The following MACROH2A2 variants were observed in gnomAD, a reference collection of about 807,000 sequenced individuals.
MACROH2A2 encodes core histone macro-H2A.2.
MACROH2A2 carries 6 observed loss-of-function variants against 37.6 expected under a neutral mutation model. The ratio of observed to expected loss-of-function variants is 0.16; its 90% CI spans 0.09 to 0.32. The LOEUF is 0.32. Among genes scored for constraint, MACROH2A2 ranks in the 10% least tolerant of loss-of-function variants. The probability of loss-of-function intolerance (pLI) is 1.00; values close to 1 mark genes in which losing one functional copy is unlikely to be tolerated. For missense variants in MACROH2A2, 290 were observed against 485.9 expected, an observed-to-expected ratio of 0.60 and a Z score of 3.79; for synonymous variants, 192 against 202.7, an observed-to-expected ratio of 0.95 and a Z score of 0.45.
intron 7 of MACROH2A2, among the ~76,000 whole-genome samples, chr10:70,104,349 A>G (rs1371647209): frequency 6.6e-6 from 1 of 151,388 alleles, no homozygotes; most frequent in Non-Finnish European, 1.5e-5. Context: ...CTTGGCATCC[A>G]GTGGACAGAG....
At chr10:70,100,744 G>C (rs1345006883) in intron 7 of MACROH2A2, among the ~76,000 whole-genome samples, 1 of 151,732 alleles carries the variant, frequency 6.6e-6, no homozygotes, top group Non-Finnish European at 1.5e-5. Flanking sequence ...AGCCTCCCGA[G>C]TTGCTGGAAT....
chr10:70,091,747 C>T lies in MACROH2A2; in HGVS notation c.280-10C>T. The T allele has an allele frequency of 1.2e-6, 2 of 1,602,322 alleles. No individual in the cohort carries two copies. The highest frequency in any genetic ancestry group is 1.7e-6 in the Non-Finnish European group (2 of 1,170,216). The stretch of plus-strand genomic sequence containing the variant: ...GTTTGCTACATGAGCGCATGCATTT[C>T]TCTCTTCAGCTGCTAAAAGGAGTGA... On this transcript the variant is annotated splice_polypyrimidine_tract_variant and intron_variant, in intron 3 of 8. Coordinates refer to ENST00000373255, the MANE Select transcript of MACROH2A2 (RefSeq NM_018649.3).
At position 70,053,946 on chromosome 10, in the gene MACROH2A2, C is replaced by T. The variant is rs1163486740; in HGVS notation, c.-60+946C>T. Among the ~76,000 whole-genome samples the T allele has an allele frequency of 1.3e-5, 2 of 152,230 alleles. No individual in the cohort carries two copies. Among genetic ancestry groups the T allele is most frequent in the African/African-American group, 2.4e-5 (1 of 41,472 alleles). On this transcript the variant is annotated intron_variant, in intron 1 of 8. Transcript: ENST00000373255. This position sits in a 1 kb window ranked among gnomAD's most constrained non-coding sequence, Gnocchi z 4.8. ...GCTCGCGGGGCGCGGCGGTTGGGGACCAGCCCTGCCTCCCCCGGCTCCCAG... is the reference window on the plus strand; with the variant it reads ...GCTCGCGGGGCGCGGCGGTTGGGGATCAGCCCTGCCTCCCCCGGCTCCCAG...
intron 1 of MACROH2A2, among the ~76,000 whole-genome samples, chr10:70,071,018 C>T (rs888295070): frequency 1.3e-5 from 2 of 148,514 alleles, no homozygotes; most frequent in Non-Finnish European, 3.0e-5. Context: ...TGTGTGTGAG[C>T]GCGTGCATGT....
intron 6 of MACROH2A2, 81 bp downstream of exon 6, chr10:70,095,834 A>G: frequency 1.4e-6 from 1 of 726,456 alleles, no homozygotes; most frequent in Non-Finnish European, 2.5e-6. Context: ...ATCATTGTCA[A>G]CTGGCTGTCC....
chr10:70,059,028 T>A (rs1413714480), intron 1 of MACROH2A2, among the ~76,000 whole-genome samples: 1 of 152,128 alleles, frequency 6.6e-6, no homozygotes, highest in Non-Finnish European at 1.5e-5. Context: ...TCAAGCAGAT[T>A]TTTTCAGGTC....
At chr10:70,099,099 G>A (rs2072292228) in intron 6 of MACROH2A2, 1 of 152,184 alleles carries the variant, frequency 6.6e-6, no homozygotes, top group African/African-American at 2.4e-5. Context: ...TAGATCAACA[G>A]TGTCCAGGAA....
At chr10:70,093,319 C>T (rs1376224179) in intron 4 of MACROH2A2, among the ~76,000 whole-genome samples, 2 of 152,164 alleles carry the variant, frequency 1.3e-5, no homozygotes, top group Admixed American at 6.5e-5. Flanking sequence ...ATTGGACAAC[C>T]CTACTGTAGA....
At chr10:70,102,716 CA>C (rs59862078) in intron 7 of MACROH2A2, among the ~76,000 whole-genome samples, 16 of 141,498 alleles carry the variant, frequency 1.1e-4, no homozygotes, top group Admixed American at 1.4e-4. Flanking sequence ...GATTCTGTCT[CA>C]AAAAAAAAAG....
At chr10:70,066,228 C>G (rs2072078726) in intron 1 of MACROH2A2, among the ~76,000 whole-genome samples, 1 of 152,046 alleles carries the variant, frequency 6.6e-6, no homozygotes, top group Non-Finnish European at 1.5e-5. Flanking sequence ...ATTCAGGAGG[C>G]TGAGGTAGAG....
At chr10:70,100,721 A>C (rs2072302046) in intron 7 of MACROH2A2, among the ~76,000 whole-genome samples, 1 of 150,786 alleles carries the variant, frequency 6.6e-6, no homozygotes, top group East Asian at 1.9e-4. Context: ...AGTTCAAACG[A>C]TTCTTGTGCC....
intron 3 of MACROH2A2, among the ~76,000 whole-genome samples, chr10:70,091,371 CAGTT>C (rs2072243592): frequency 6.6e-6 from 1 of 152,222 alleles, no homozygotes; most frequent in African/African-American, 2.4e-5. Context: ...CCACATTTAA[CAGTT>C]AGAACCGTAT....
At chr10:70,093,444 A>AG (rs2072257923) in intron 4 of MACROH2A2, among the ~76,000 whole-genome samples, 2 of 152,182 alleles carry the variant, frequency 1.3e-5, no homozygotes, top group South Asian at 4.1e-4. Flanking sequence ...TGTCGTCGTG[A>AG]GCTGCAGGCA....
intron 1 of MACROH2A2, among the ~76,000 whole-genome samples, chr10:70,069,828 T>C (rs1411726387): frequency 2.6e-5 from 4 of 151,980 alleles, no homozygotes; most frequent in Non-Finnish European, 1.5e-5. Context: ...TTCAAGTTTT[T>C]GACTCCTGAC....
At chr10:70,089,988 C>A in intron 2 of MACROH2A2, 72 bp from the exon 3 acceptor site, 2 of 927,178 alleles carry the variant, frequency 2.2e-6, no homozygotes, top group East Asian at 2.4e-5. Context: ...AACTTGAAGG[C>A]CATTTCTAAA....
At chr10:70,108,523 CCTT>C (rs1271072062) in intron 7 of MACROH2A2, among the ~76,000 whole-genome samples, 2 of 152,206 alleles carry the variant, frequency 1.3e-5, no homozygotes, top group African/African-American at 4.8e-5. Flanking sequence ...CTGCCTTTGA[CCTT>C]CTTGCCTCCC....
chr10:70,060,567 C>G (rs2072044626), intron 1 of MACROH2A2, among the ~76,000 whole-genome samples: 1 of 152,112 alleles, frequency 6.6e-6, no homozygotes, highest in Admixed American at 6.5e-5. Flanking sequence ...GTGGATCAGG[C>G]ACACCAAGGC....
intron 1 of MACROH2A2, among the ~76,000 whole-genome samples, chr10:70,064,497 T>C (rs778285624): frequency 2.0e-5 from 3 of 152,192 alleles, no homozygotes; most frequent in Non-Finnish European, 4.4e-5. Flanking sequence ...CCTAAAGCCA[T>C]GCCTGCTGAT....
chr10:70,062,207 A>G (rs978718176), intron 1 of MACROH2A2, among the ~76,000 whole-genome samples: 2 of 152,122 alleles, frequency 1.3e-5, no homozygotes, highest in African/African-American at 4.8e-5. Context: ...GAATCCCCTC[A>G]TTTCCTACCT....
Sources: gnomAD v4.1 joint callset for allele counts (sites outside exome capture counted in the v4.1 genomes callset) on GRCh38, gnomAD v4.1.1 for gene constraint, Gnocchi (gnomAD v3.1) non-coding constraint, MANE v1.5 for transcripts, NCBI Gene and HGNC (gene_info 2026-07-23, HGNC 2026-07-21) for gene names.